Variants in XKR5 observed in about 807,000 individuals in gnomAD.
XKR5 encodes the protein XK related 5.
A neutral mutation model predicts 40.8 loss-of-function variants in XKR5; 46 were observed. That is an observed-to-expected ratio of 1.13 (90% CI 0.89 to 1.44). The LOEUF (loss-of-function observed/expected upper bound fraction) is 1.44. Among genes scored for constraint, XKR5 ranks in the 40% most tolerant of loss-of-function variants. The pLI, the probability that XKR5 is intolerant of heterozygous loss-of-function variation, is 0.00. For synonymous variants in XKR5, 466 were observed against 356.1 expected, an observed-to-expected ratio of 1.31 and a Z score of -3.48; for missense variants, 1,169 against 844.7, an observed-to-expected ratio of 1.38 and a Z score of -4.76.
intron 2 of XKR5, among the ~76,000 whole-genome samples, chr8:6,828,287 C>T (rs1395907647): frequency 2.0e-5 from 3 of 152,074 alleles, no homozygotes; most frequent in Non-Finnish European, 4.4e-5. Context: ...AAACTCTGGA[C>T]AGGTAGATGG....
At position 6,809,669 on chromosome 8, in the gene XKR5, C is replaced by T. The variant is rs1318398697; in HGVS notation, c.*1529G>A. The T allele has an allele frequency of 6.6e-6, 1 of 152,146 alleles. No individual in the cohort carries two copies. Among genetic ancestry groups the T allele is most frequent in the African/African-American group, 2.4e-5 (1 of 41,408 alleles). 9.4% of individuals were successfully genotyped at this position (152,146 alleles called of 1,614,324 possible). ...TCCCCGATTGGCTTATGTGGCTGGC[C>T]AGGAGGATGCTGATGGTCTGAGAGC... On this transcript the variant is annotated 3_prime_UTR_variant, in exon 7 of 7. Coordinates refer to ENST00000618742, the MANE Select transcript of XKR5 (RefSeq NM_207411.5).
At chr8:6,832,979 C>T in intron 1 of XKR5, 79 bp from the exon 2 acceptor site, 1 of 1,273,218 alleles carries the variant, frequency 7.9e-7, no homozygotes, top group Middle Eastern at 2.8e-4. Flanking sequence ...AACAACTGAA[C>T]ATTTTCTGGA....
intron 4 of XKR5, 67 bp from the exon 5 acceptor site, chr8:6,822,105 G>T (rs1247963670): frequency 2.7e-6 from 4 of 1,478,418 alleles, no homozygotes; most frequent in East Asian, 2.4e-5. Context: ...CAAGGACACA[G>T]AGACCAGGGG....
At position 6,835,508 on chromosome 8, in the gene XKR5, C is replaced by A; in HGVS notation, c.-15G>T. The A allele has an allele frequency of 6.7e-7, 1 of 1,493,786 alleles. No individual in the cohort carries two copies. Among genetic ancestry groups the A allele is most frequent in the Non-Finnish European group, 8.9e-7 (1 of 1,127,646 alleles). 92.5% of individuals were successfully genotyped at this position (1,493,786 alleles called of 1,614,324 possible). A position where few individuals can be genotyped will look rare whatever the true frequency, so the allele number is the denominator to read the frequency against. ...CTCGCGTGCATCTTCCGTGCCGACC[C>A]CGCAGCCTGCGCCCGCCCCTTCCCC... On this transcript the variant is annotated 5_prime_UTR_variant, in exon 1 of 7. Transcript: ENST00000618742.
Position 6,811,015 on chromosome 8 carries a change from T to C in XKR5, c.*183A>G. ...TATGCATGGGTGGGGTCTGTGATGT[T>C]TGCATTGGACCTGCAAAATCATCCA... is the stretch of plus-strand genomic sequence containing the variant. On this transcript the variant is annotated 3_prime_UTR_variant, in exon 7 of 7. Coordinates refer to ENST00000618742, the MANE Select transcript of XKR5 (RefSeq NM_207411.5). 1 of 626,638 alleles carries C rather than the reference T, an allele frequency of 1.6e-6. No individual in the cohort carries two copies. The highest frequency in any genetic ancestry group is 2.7e-6 in the Non-Finnish European group (1 of 368,530). The allele number at this position is 626,638 out of a possible 1,614,324, so 38.8% of individuals were successfully genotyped here. A position where few individuals can be genotyped will look rare whatever the true frequency, so the allele number is the denominator to read the frequency against.
chr8:6,816,254 C>G (rs1803953920), intron 5 of XKR5, among the ~76,000 whole-genome samples: 1 of 152,202 alleles, frequency 6.6e-6, no homozygotes. Flanking sequence ...TTGCATATTT[C>G]TCCATCCTCA....
At chr8:6,825,846 T>G (rs1182093676) in intron 2 of XKR5, among the ~76,000 whole-genome samples, 1 of 152,122 alleles carries the variant, frequency 6.6e-6, no homozygotes, top group African/African-American at 2.4e-5. Flanking sequence ...CTGGGGCACA[T>G]GAAGAGCAGA....
At position 6,812,590 on chromosome 8, in the gene XKR5, G is replaced by A. The variant is rs544845581; in HGVS notation, c.920-251C>T. The stretch of plus-strand genomic sequence containing the variant: ...TAAATCCGATTGATTCTATGCTTTT[G>A]TCTTGAGGGCAGCTCCAGTTCAGTC... On this transcript the variant is annotated intron_variant, in intron 6 of 6. Coordinates refer to ENST00000618742, the MANE Select transcript of XKR5 (RefSeq NM_207411.5). Among the ~76,000 whole-genome samples, 78 of 152,304 alleles carry A rather than the reference G, an allele frequency of 5.1e-4. 2 individuals carry two copies. The South Asian group carries it at 0.011, about 22-fold the overall frequency.
chr8:6,826,650 G>A (rs150131888), intron 2 of XKR5, among the ~76,000 whole-genome samples: 35 of 152,306 alleles, frequency 2.3e-4, no homozygotes, highest in African/African-American at 8.2e-4. Context: ...AGGAATGTGA[G>A]GATGGGTGGA....
At chr8:6,812,945 C>G (rs904560719) in intron 6 of XKR5, among the ~76,000 whole-genome samples, 2 of 152,228 alleles carry the variant, frequency 1.3e-5, no homozygotes, top group East Asian at 3.8e-4. Context: ...TTATTTTGAT[C>G]AGAAGTGTTG....
intron 2 of XKR5, among the ~76,000 whole-genome samples, chr8:6,832,176 C>T (rs932943517): frequency 3.9e-5 from 6 of 152,282 alleles, no homozygotes; most frequent in Middle Eastern, 3.4e-3. Flanking sequence ...CCTCACCTGT[C>T]GTGATGGTCT....
chr8:6,815,972 G>A, intron 5 of XKR5, 54 bp from the exon 6 acceptor site: 1 of 1,392,560 alleles, frequency 7.2e-7, no homozygotes. Context: ...ACTGCCTAGG[G>A]ACCCCCGTCC....
At chr8:6,828,567 C>G (rs145929245) in intron 2 of XKR5, among the ~76,000 whole-genome samples, 8 of 152,316 alleles carry the variant, frequency 5.3e-5, no homozygotes, top group Non-Finnish European at 1.2e-4. Context: ...GGGGAGGAAG[C>G]TGAGGCGGGA....
At chr8:6,834,813 C>T (rs1804937359) in intron 1 of XKR5, among the ~76,000 whole-genome samples, 1 of 152,214 alleles carries the variant, frequency 6.6e-6, no homozygotes, top group South Asian at 2.1e-4. Flanking sequence ...CTTGCTCCGC[C>T]GCGGCTGGCG....
In XKR5 at chr8:6,824,752, G is replaced by C. The variant is rs1245593636; in HGVS notation, c.427+413C>G. ...TTGCCTGGCTGGTCTTGAGCTCCTGGGCTCAAGCAATCCACCCACCTCAGC... is the reference window on the plus strand; with the variant it reads ...TTGCCTGGCTGGTCTTGAGCTCCTGCGCTCAAGCAATCCACCCACCTCAGC... On this transcript the variant is annotated intron_variant, in intron 3 of 6. Coordinates refer to ENST00000618742, the MANE Select transcript of XKR5 (RefSeq NM_207411.5). 5.3e-5 allele frequency among the ~76,000 whole-genome samples: 8 copies of C among 152,162 alleles called. No individual in the cohort carries two copies. In the East Asian group the frequency reaches 1.5e-3, roughly 29 times the overall value.
chr8:6,823,699 G>A lies in XKR5; in HGVS notation c.459C>T (p.Leu153=). The A allele has an allele frequency of 6.3e-7, 1 of 1,587,664 alleles. No individual in the cohort carries two copies. The highest frequency in any genetic ancestry group is 2.3e-5 in the East Asian group (1 of 43,524). ...GVSTLFSWSS[L]SWALVSYTRF... is the part of the protein sequence containing the mutation. The stretch of plus-strand genomic sequence containing the variant: ...GAGTGTAGGACACCAGTGCCCAGGA[G>A]AGTGAGGACCAGGAAAACAGGGTGC... Residue 153 remains leucine, a synonymous_variant, in exon 4 of 7, where the codon CTC becomes CTT. Transcript: ENST00000618742.
chr8:6,833,235 C>A (rs190948582), intron 1 of XKR5, among the ~76,000 whole-genome samples: 35 of 152,338 alleles, frequency 2.3e-4, no homozygotes, highest in Non-Finnish European at 4.3e-4. Flanking sequence ...ACCCCAAAGC[C>A]ACAGAAATTA....
Position 6,821,798 on chromosome 8 carries a change from C to T in XKR5, c.807+71G>A. 3 of 1,402,252 alleles carry T rather than the reference C, an allele frequency of 2.1e-6. No homozygotes were observed. In the South Asian group the frequency reaches 4.0e-5, roughly 19 times the overall value. The allele number at this position is 1,402,252 out of a possible 1,614,324, so 86.9% of individuals were successfully genotyped here. ...TTGGTGCACACACACACACACCCCC[C>T]ACACACACCCACACACACCCCACTT... On this transcript the variant is annotated intron_variant, in intron 5 of 6. Coordinates refer to ENST00000618742, the MANE Select transcript of XKR5 (RefSeq NM_207411.5).
intron 4 of XKR5, 118 bp downstream of exon 4, chr8:6,823,403 G>A (rs992452997): frequency 9.5e-7 from 1 of 1,055,868 alleles, no homozygotes; most frequent in Non-Finnish European, 1.4e-6. Flanking sequence ...ATTCAGCAGA[G>A]AGCCCAGTCA....
Sources: allele counts gnomAD v4.1 joint callset (sites outside exome capture counted in the v4.1 genomes callset), GRCh38; gene constraint gnomAD v4.1.1; transcripts MANE v1.5; gene names NCBI Gene and HGNC (gene_info 2026-07-23, HGNC 2026-07-21).